FGF13: variants seen among roughly 807,000 people sequenced by gnomAD.
FGF13 encodes the protein fibroblast growth factor 13.
A neutral mutation model predicts 19.5 loss-of-function variants in FGF13; 2 were observed. The ratio of observed to expected loss-of-function variants is 0.10; its 90% CI spans 0.04 to 0.32. The LOEUF (loss-of-function observed/expected upper bound fraction) is 0.32. Ranked by LOEUF, FGF13 falls within the 10% of genes least tolerant of loss-of-function variation. The pLI is 1.00. For synonymous variants in FGF13, 72 were observed against 76.9 expected (o/e 0.94, Z 0.33); for missense variants, 113 against 192.7 (o/e 0.59, Z 2.45).
intron 1 of FGF13, among the ~76,000 whole-genome samples, chrX:139,087,415 T>C (rs928499188): frequency 3.6e-5 from 4 of 112,247 alleles, no homozygotes; most frequent in Non-Finnish European, 7.5e-5. Context: ...CACCATAATC[T>C]ACAGCTAGTC....
intron 3 of FGF13, among the ~76,000 whole-genome samples, chrX:138,790,073 A>C (rs1208413752): frequency 2.1e-5 from 2 of 95,338 alleles, no homozygotes; most frequent in African/African-American, 7.7e-5. Flanking sequence ...AAAAAAAACA[A>C]ACACACACAC....
At chrX:138,681,237 C>T (rs1375681780) in intron 3 of FGF13, among the ~76,000 whole-genome samples, 2 of 110,914 alleles carry the variant, frequency 1.8e-5, no homozygotes, top group Admixed American at 1.9e-4. Flanking sequence ...CATCAATGAT[C>T]TTAGCTAAAT....
intron 1 of FGF13, among the ~76,000 whole-genome samples, chrX:139,017,788 G>C (rs2092160607): frequency 9.0e-6 from 1 of 111,173 alleles, no homozygotes; most frequent in Non-Finnish European, 1.9e-5. Flanking sequence ...TTACAAAATT[G>C]CAGCCTGAGG....
At chrX:139,111,418 A>G (rs1409923136) in intron 1 of FGF13, among the ~76,000 whole-genome samples, 1 of 112,168 alleles carries the variant, frequency 8.9e-6, no homozygotes, top group Non-Finnish European at 1.9e-5. Context: ...AACTGGGGAA[A>G]GAAAATCTGG....
chrX:138,899,606 G>A (rs2091521717), intron 1 of FGF13, among the ~76,000 whole-genome samples: 1 of 111,057 alleles, frequency 9.0e-6, no homozygotes, highest in East Asian at 2.8e-4. Context: ...AAGCTTTCTG[G>A]ATCTCAAACC....
At chrX:138,984,340 G>A (rs961839051) in intron 1 of FGF13, among the ~76,000 whole-genome samples, 1 of 106,738 alleles carries the variant, frequency 9.4e-6, no homozygotes, top group African/African-American at 3.4e-5. Flanking sequence ...CCCGGGAGGC[G>A]GAGGTTGTAG....
At chrX:139,091,683 G>A (rs766537379) in intron 1 of FGF13, among the ~76,000 whole-genome samples, 13 of 111,858 alleles carry the variant, frequency 1.2e-4, no homozygotes, top group African/African-American at 1.6e-4. Context: ...TAGTAAAATA[G>A]ATGATACTGA....
chrX:139,024,947 A>G (rs1414073817), intron 1 of FGF13, among the ~76,000 whole-genome samples: 1 of 111,058 alleles, frequency 9.0e-6, no homozygotes, highest in Non-Finnish European at 1.9e-5. Flanking sequence ...ATCCTGGGGC[A>G]TAGTTTACTG....
intron 3 of FGF13, among the ~76,000 whole-genome samples, chrX:138,799,941 T>C (rs896601932): frequency 3.6e-5 from 4 of 111,608 alleles, no homozygotes; most frequent in African/African-American, 9.8e-5. Flanking sequence ...TAATTATTCC[T>C]CCATCCCTTT....
At chrX:138,995,438 A>C (rs2092037724) in intron 1 of FGF13, among the ~76,000 whole-genome samples, 1 of 111,601 alleles carries the variant, frequency 9.0e-6, no homozygotes, top group African/African-American at 3.3e-5. Flanking sequence ...AGTATCCAAT[A>C]GTTATATTTT....
At chrX:138,727,696 G>T (rs2090196188) in intron 1 of FGF13, among the ~76,000 whole-genome samples, 1 of 111,274 alleles carries the variant, frequency 9.0e-6, no homozygotes, top group African/African-American at 3.3e-5. Context: ...TAGGAAAAAC[G>T]TGGAACTAGG....
intron 3 of FGF13, among the ~76,000 whole-genome samples, chrX:138,799,133 T>C (rs774310602): frequency 9.0e-6 from 1 of 111,719 alleles, no homozygotes; most frequent in African/African-American, 3.3e-5. Flanking sequence ...GCTTCTCTAG[T>C]TCTTTTAATT....
At chrX:138,996,475 A>G (rs1165014570) in intron 1 of FGF13, among the ~76,000 whole-genome samples, 1 of 112,779 alleles carries the variant, frequency 8.9e-6, no homozygotes, top group African/African-American at 3.2e-5. Flanking sequence ...TCTGAAATCG[A>G]CCTGGGGTGC....
chrX:138,903,305 A>G (rs1044989582), intron 1 of FGF13, among the ~76,000 whole-genome samples: 1 of 111,824 alleles, frequency 8.9e-6, no homozygotes, highest in African/African-American at 3.3e-5. Context: ...ATGATTTCTT[A>G]TGGCGTCGAG....
At chrX:138,986,818 C>G (rs937866297) in intron 1 of FGF13, among the ~76,000 whole-genome samples, 1 of 111,878 alleles carries the variant, frequency 8.9e-6, no homozygotes, top group African/African-American at 3.2e-5. Context: ...ATTAGATTAT[C>G]TTGTCACATG....
chrX:138,984,589 A>AGAAGAAGAG lies in FGF13; in HGVS notation c.-112-119940_-112-119939insCTCTTCTTC, dbSNP rs1569436186. On this transcript the variant is annotated intron_variant, in intron 1 of 2. Coordinates refer to the FGF13 transcript ENST00000421460. ...AAGAAGAAGAAGAAGAAGAAGAAGA[A>AGAAGAAGAG]GGAGGAGGAGGAGGAGGAGGAGGAG... Among the ~76,000 whole-genome samples the AGAAGAAGAG allele has an allele frequency of 8.2e-4, 14 of 17,031 alleles. 2 individuals are homozygous for AGAAGAAGAG. Among genetic ancestry groups the AGAAGAAGAG allele is most frequent in the African/African-American group, 2.6e-3 (13 of 4,994 alleles). 14.8% of individuals were successfully genotyped at this position (17,031 alleles called of 115,157 possible).
rs142664671 is a variant in FGF13 at position 138,969,807 on chromosome X, A to G, written c.-112-105157T>C. 1.0e-2 allele frequency among the ~76,000 whole-genome samples: 1,116 copies of G among 112,077 alleles called. 13 individuals are homozygous for G. The highest frequency in any genetic ancestry group is 0.034 in the African/African-American group (1,035 of 30,787). On this transcript the variant is annotated intron_variant, in intron 1 of 2. Coordinates refer to the FGF13 transcript ENST00000421460. ...CATAAAGCCACCTGACTCAATGACT[A>G]TATCCATACAGCCATTGTCGTTTGT...
intron 3 of FGF13, among the ~76,000 whole-genome samples, chrX:138,804,207 C>T (rs1480288955): frequency 8.9e-6 from 1 of 112,235 alleles, no homozygotes; most frequent in East Asian, 2.8e-4. Flanking sequence ...GGAAAAGGCA[C>T]TGAAGTTAAA....
intron 1 of FGF13, among the ~76,000 whole-genome samples, chrX:139,081,137 C>T: frequency 9.0e-6 from 1 of 110,895 alleles, no homozygotes; most frequent in Non-Finnish European, 1.9e-5. Flanking sequence ...CCACGCCCTG[C>T]CAAGCAATCT....
Sources: gnomAD v4.1 joint callset for allele counts (sites outside exome capture counted in the v4.1 genomes callset) on GRCh38, gnomAD v4.1.1 for gene constraint, MANE v1.5 for transcripts, NCBI Gene and HGNC (gene_info 2026-07-23, HGNC 2026-07-21) for gene names.